Variants in MYLK observed in about 807,000 individuals in gnomAD.
MYLK encodes myosin light chain kinase, smooth muscle.
In MYLK, 106 loss-of-function variants were observed where a neutral mutation model predicts 203.4. The ratio of observed to expected loss-of-function variants is 0.52; its 90% CI spans 0.45 to 0.61. The LOEUF (loss-of-function observed/expected upper bound fraction) is 0.61. Among genes scored for constraint, MYLK ranks in the 20% least tolerant of loss-of-function variants. The pLI is 0.00. For missense variants in MYLK, 2,072 were observed against 2,442.3 expected (o/e 0.85, Z 3.20); for synonymous variants, 867 against 959.5 (o/e 0.90, Z 1.78).
intron 22 of MYLK, 124 bp downstream of exon 22, chr3:123,666,095 C>T (rs1019995831): frequency 3.0e-5 from 45 of 1,491,590 alleles, no homozygotes; most frequent in Non-Finnish European, 3.9e-5. Flanking sequence ...GGAGTGGCCT[C>T]TCCCATTTCT....
intron 2 of MYLK, among the ~76,000 whole-genome samples, chr3:123,874,884 G>A (rs2033045501): frequency 6.6e-6 from 1 of 152,090 alleles, no homozygotes; most frequent in Non-Finnish European, 1.5e-5. Context: ...GTACAAAGAT[G>A]TTCAACATCA....
chr3:123,872,418 A>G (rs946853187), intron 2 of MYLK, among the ~76,000 whole-genome samples: 3 of 152,172 alleles, frequency 2.0e-5, no homozygotes, highest in African/African-American at 7.2e-5. Flanking sequence ...ACCTTGAGTT[A>G]GATCTAACCT....
chr3:123,719,426 G>C (rs2062014509), intron 13 of MYLK, among the ~76,000 whole-genome samples: 1 of 152,202 alleles, frequency 6.6e-6, no homozygotes, highest in South Asian at 2.1e-4. Context: ...GATCCTTTGG[G>C]AAAACCCCTC....
At chr3:123,877,156 GAGACACAGGAAAGTATC>G (rs1477231410) in intron 1 of MYLK, among the ~76,000 whole-genome samples, 1 of 152,192 alleles carries the variant, frequency 6.6e-6, no homozygotes, top group Non-Finnish European at 1.5e-5. Flanking sequence ...GTCACAGTCA[GAGACACAGGAAAGTATC>G]AATTGGGCTG....
chr3:123,737,625 T>A, intron 7 of MYLK, 82 bp from the exon 8 acceptor site: 3 of 1,565,558 alleles, frequency 1.9e-6, no homozygotes, highest in Non-Finnish European at 2.6e-6. Flanking sequence ...CCAATCCTAG[T>A]GGGATAGACT....
chr3:123,640,916 TACTC>T lies in MYLK; in HGVS notation c.4620-416_4620-413del. 6.6e-6 allele frequency among the ~76,000 whole-genome samples: 1 copy of T among 152,328 alleles called. No individual in the cohort carries two copies. The highest frequency in any genetic ancestry group is 1.5e-5 in the Non-Finnish European group (1 of 68,022). On this transcript the variant is annotated intron_variant, in intron 27 of 33. Coordinates refer to ENST00000360304, the MANE Select transcript of MYLK (RefSeq NM_053025.4). This position sits in a 1 kb window ranked among gnomAD's most constrained non-coding sequence, Gnocchi z 4.3. Reference sequence around the variant, plus strand: ...AGTCACAGGGAACTCAAGTTCAAAATACTCACAGTTCCCACAAGCATTTGTTCTG... The same window carrying T: ...AGTCACAGGGAACTCAAGTTCAAAATACAGTTCCCACAAGCATTTGTTCTG...
chr3:123,667,782 C>T (rs2059790205), intron 20 of MYLK, among the ~76,000 whole-genome samples: 1 of 152,086 alleles, frequency 6.6e-6, no homozygotes, highest in East Asian at 1.9e-4. Flanking sequence ...TCCCATAGCC[C>T]TTTTCGAAGA....
chr3:123,661,061 C>T (rs1467078878), intron 23 of MYLK, among the ~76,000 whole-genome samples: 2 of 152,200 alleles, frequency 1.3e-5, no homozygotes, highest in African/African-American at 4.8e-5. Context: ...CCTCCCAGGA[C>T]GGCATTTAAC....
At chr3:123,851,781 C>G (rs7653391) in intron 2 of MYLK, among the ~76,000 whole-genome samples, 129,993 of 151,956 alleles carry the variant, frequency 0.86, 55,989 homozygotes, top group East Asian at 0.96. Context: ...CCAACACTAT[C>G]TTGAATAGGA....
chr3:123,647,572 T>G, intron 26 of MYLK, 145 bp from the exon 27 acceptor site: 1 of 731,882 alleles, frequency 1.4e-6, no homozygotes, highest in South Asian at 1.6e-5. Flanking sequence ...CCTGCCTGGC[T>G]GTTTGCATGT....
chr3:123,727,180 C>G (rs1265247542), intron 11 of MYLK, among the ~76,000 whole-genome samples: 1 of 152,218 alleles, frequency 6.6e-6, no homozygotes, highest in African/African-American at 2.4e-5. Context: ...GCTGCACTTT[C>G]TCCTCCAGAT....
chr3:123,791,618 T>C (rs1282554612), intron 4 of MYLK, among the ~76,000 whole-genome samples: 1 of 152,246 alleles, frequency 6.6e-6, no homozygotes, highest in African/African-American at 2.4e-5. Flanking sequence ...TGTTCTGGGT[T>C]AATTCAAGTC....
chr3:123,756,021 A>T (rs549000020), intron 4 of MYLK, among the ~76,000 whole-genome samples: 2 of 152,136 alleles, frequency 1.3e-5, no homozygotes, highest in African/African-American at 4.8e-5. Context: ...ACAGCTCACA[A>T]AGCCAGTCGT....
intron 24 of MYLK, among the ~76,000 whole-genome samples, chr3:123,655,688 C>CT (rs1309193579): frequency 6.6e-6 from 1 of 152,214 alleles, no homozygotes; most frequent in Non-Finnish European, 1.5e-5. Flanking sequence ...CCAGACAGCT[C>CT]TGAGTTCAAG....
At chr3:123,701,281 C>T (rs2108589694) in intron 17 of MYLK, among the ~76,000 whole-genome samples, 157 bp downstream of exon 17, 1 of 151,710 alleles carries the variant, frequency 6.6e-6, no homozygotes, top group Middle Eastern at 3.5e-3. Context: ...CCCCTGCTCT[C>T]CCTCCCTCAT....
At chr3:123,756,540 G>A (rs1271460100) in intron 4 of MYLK, among the ~76,000 whole-genome samples, 1 of 152,150 alleles carries the variant, frequency 6.6e-6, no homozygotes, top group Non-Finnish European at 1.5e-5. Flanking sequence ...TGGTATCTAA[G>A]GTTCCTCCCA....
intron 2 of MYLK, among the ~76,000 whole-genome samples, chr3:123,833,694 C>T (rs2066404157): frequency 6.6e-6 from 1 of 152,170 alleles, no homozygotes; most frequent in Admixed American, 6.5e-5. Flanking sequence ...AAAAATAAAG[C>T]TGTTAATTAT....
intron 2 of MYLK, among the ~76,000 whole-genome samples, chr3:123,869,918 G>A (rs1203956356): frequency 1.4e-5 from 2 of 145,848 alleles, no homozygotes; most frequent in African/African-American, 2.5e-5. Context: ...GATGGACGAT[G>A]AAATCTACCT....
chr3:123,653,615 G>A (rs537678130), intron 24 of MYLK, among the ~76,000 whole-genome samples: 8 of 152,278 alleles, frequency 5.3e-5, no homozygotes, highest in East Asian at 1.9e-4. Flanking sequence ...AGGGTTCAGC[G>A]GGCTGATGGC....
Sources: allele counts gnomAD v4.1 joint callset (sites outside exome capture counted in the v4.1 genomes callset), GRCh38; gene constraint gnomAD v4.1.1; non-coding constraint Gnocchi (gnomAD v3.1); transcripts MANE v1.5; gene names NCBI Gene and HGNC (gene_info 2026-07-23, HGNC 2026-07-21).